ZPBP: variants seen among roughly 807,000 people sequenced by gnomAD.
ZPBP encodes the protein zona pellucida-binding protein 1.
Under a neutral mutation model 44.8 loss-of-function variants are expected in ZPBP, and 26 were observed. That is an observed-to-expected ratio of 0.58 (90% CI 0.43 to 0.81). The LOEUF is 0.81. ZPBP is among the 30% of genes least tolerant of loss of function. The probability of loss-of-function intolerance (pLI) is 0.00; values close to 1 mark genes in which losing one functional copy is unlikely to be tolerated. For missense variants in ZPBP, 409 were observed against 434.0 expected (o/e 0.94, Z 0.51); for synonymous variants, 174 against 153.2 (o/e 1.14, Z -1.00).
At chr7:50,089,818 C>A (rs867434612) in intron 1 of ZPBP, 109 bp from the exon 2 acceptor site, 1 of 836,054 alleles carries the variant, frequency 1.2e-6, no homozygotes, top group Non-Finnish European at 2.0e-6. Context: ...ATAATTCAAT[C>A]TCCTCTGACA....
intron 2 of ZPBP, among the ~76,000 whole-genome samples, chr7:49,854,961 T>G (rs519620): frequency 0.054 from 8,219 of 152,242 alleles, 737 homozygotes; most frequent in African/African-American, 0.19. Context: ...CTGACAAATA[T>G]GGCTTTTGTC....
At chr7:50,008,489 G>A (rs1246632272) in intron 6 of ZPBP, among the ~76,000 whole-genome samples, 1 of 151,900 alleles carries the variant, frequency 6.6e-6, no homozygotes, top group Non-Finnish European at 1.5e-5. Flanking sequence ...AAATGCCAAT[G>A]CCATTTTTTT....
chr7:50,064,360 G>T (rs529802208), intron 3 of ZPBP, among the ~76,000 whole-genome samples: 1 of 152,314 alleles, frequency 6.6e-6, no homozygotes, highest in Admixed American at 6.5e-5. Context: ...TGCTAATGAA[G>T]TTTCAGGCAC....
chr7:49,932,341 G>A (rs1486653765), intron 1 of ZPBP, among the ~76,000 whole-genome samples: 3 of 152,242 alleles, frequency 2.0e-5, no homozygotes, highest in Admixed American at 6.5e-5. Flanking sequence ...AAAGCCACAG[G>A]GGTGGAGCTT....
At chr7:50,080,271 C>A (rs1802292431) in intron 3 of ZPBP, among the ~76,000 whole-genome samples, 1 of 151,624 alleles carries the variant, frequency 6.6e-6, no homozygotes, top group South Asian at 2.1e-4. Context: ...TGATAAAATA[C>A]TGTATTGAAA....
intron 7 of ZPBP, among the ~76,000 whole-genome samples, chr7:49,970,873 A>C (rs1796276497): frequency 6.7e-6 from 1 of 149,972 alleles, no homozygotes; most frequent in Non-Finnish European, 1.5e-5. Flanking sequence ...TAAATAAATA[A>C]ATAAATAAAT....
chr7:49,869,339 A>G (rs1040909210), intron 2 of ZPBP, among the ~76,000 whole-genome samples: 5 of 152,218 alleles, frequency 3.3e-5, no homozygotes, highest in Admixed American at 2.6e-4. Context: ...AGGAAGTAAT[A>G]CTGAACAAGG....
intron 2 of ZPBP, among the ~76,000 whole-genome samples, chr7:50,086,365 C>T (rs546140233): frequency 2.6e-5 from 4 of 152,074 alleles, no homozygotes; most frequent in African/African-American, 9.6e-5. Context: ...CTGAAACAGA[C>T]TCCAAGGAAG....
chr7:49,873,448 C>CCTGATCACCTCCTGATACCATCATCCAAT (rs1252052196), intron 2 of ZPBP, among the ~76,000 whole-genome samples: 5 of 152,102 alleles, frequency 3.3e-5, no homozygotes, highest in African/African-American at 1.2e-4. Context: ...GCCCAAGTCA[C>CCTGATCACCTCCTGATACCATCATCCAAT]CACCTCCTGA....
At chr7:50,062,641 G>C (rs1257645267) in intron 3 of ZPBP, among the ~76,000 whole-genome samples, 1 of 152,060 alleles carries the variant, frequency 6.6e-6, no homozygotes, top group Non-Finnish European at 1.5e-5. Flanking sequence ...ATTGAAACTG[G>C]CGCCCTTCCT....
intron 6 of ZPBP, among the ~76,000 whole-genome samples, chr7:49,986,975 G>C (rs1353679236): frequency 6.6e-6 from 1 of 152,168 alleles, no homozygotes; most frequent in African/African-American, 2.4e-5. Flanking sequence ...AGCATGACCT[G>C]TAAGCAGGTG....
intron 3 of ZPBP, among the ~76,000 whole-genome samples, chr7:50,077,163 CA>C (rs1022622956): frequency 6.6e-6 from 1 of 151,752 alleles, no homozygotes; most frequent in African/African-American, 2.4e-5. Context: ...ACAGTCTCTT[CA>C]ATAAGTGGTT....
At chr7:50,075,946 T>C (rs1802055704) in intron 3 of ZPBP, among the ~76,000 whole-genome samples, 1 of 151,484 alleles carries the variant, frequency 6.6e-6, no homozygotes, top group Non-Finnish European at 1.5e-5. Context: ...CAAAAACACA[T>C]CATAAAAAGA....
intron 7 of ZPBP, among the ~76,000 whole-genome samples, chr7:49,952,862 C>T (rs141161809): frequency 2.6e-5 from 4 of 151,806 alleles, no homozygotes; most frequent in African/African-American, 9.6e-5. Flanking sequence ...AAAAGAAAAA[C>T]TAAAGGAAGT....
At chr7:49,843,338 A>G in the ZPBP span, among the ~76,000 whole-genome samples, 1 of 152,196 alleles carries the variant, frequency 6.6e-6, no homozygotes, top group African/African-American at 2.4e-5. Context: ...CAGAAACATC[A>G]GATGTGAAAA....
At chr7:49,932,247 A>AC (rs1297436900) in intron 1 of ZPBP, among the ~76,000 whole-genome samples, 1 of 152,172 alleles carries the variant, frequency 6.6e-6, no homozygotes, top group Non-Finnish European at 1.5e-5. Context: ...GAATGGTAGA[A>AC]CCACCAACAG....
At chr7:49,931,126 G>A (rs1482064639) in intron 1 of ZPBP, among the ~76,000 whole-genome samples, 2 of 152,248 alleles carry the variant, frequency 1.3e-5, no homozygotes, top group African/African-American at 4.8e-5. Flanking sequence ...TCCCCGCCAT[G>A]TGGAACTGTG....
chr7:49,857,388 T>A (rs1790469791), intron 2 of ZPBP, among the ~76,000 whole-genome samples: 1 of 152,234 alleles, frequency 6.6e-6, no homozygotes, highest in Non-Finnish European at 1.5e-5. Context: ...GCCTGAATAT[T>A]CCAATGTAGG....
At chr7:49,955,115 T>C (rs1028289268) in intron 7 of ZPBP, among the ~76,000 whole-genome samples, 1 of 152,148 alleles carries the variant, frequency 6.6e-6, no homozygotes, top group Non-Finnish European at 1.5e-5. Flanking sequence ...AGATAATATT[T>C]TGGACTTATC....
Sources: allele counts gnomAD v4.1 joint callset (sites outside exome capture counted in the v4.1 genomes callset), GRCh38; gene constraint gnomAD v4.1.1; transcripts MANE v1.5; gene names NCBI Gene and HGNC (gene_info 2026-07-23, HGNC 2026-07-21).